ACSBG1: variants seen among roughly 807,000 people sequenced by gnomAD.
ACSBG1 encodes long-chain-fatty-acid--CoA ligase ACSBG1.
Under a neutral mutation model 80.2 loss-of-function variants are expected in ACSBG1, and 39 were observed. That is an observed-to-expected ratio of 0.49 (90% CI 0.38 to 0.64). The LOEUF (loss-of-function observed/expected upper bound fraction) is 0.64, where lower values mean the gene tolerates loss of function less well. Among genes scored for constraint, ACSBG1 ranks in the 30% least tolerant of loss-of-function variants. ACSBG1 has a pLI of 0.00. For missense variants in ACSBG1, 828 were observed against 966.4 expected (o/e 0.86, Z 1.90); for synonymous variants, 392 against 379.5 (o/e 1.03, Z -0.38).
chr15:78,193,769 C>T, intron 4 of ACSBG1, 143 bp from the exon 5 acceptor site: 1 of 1,442,248 alleles, frequency 6.9e-7, no homozygotes. Flanking sequence ...AGCACCTCCT[C>T]CCCTGCAGAG....
intron 5 of ACSBG1, among the ~76,000 whole-genome samples, chr15:78,186,431 T>C (rs1465564757): frequency 6.6e-6 from 1 of 151,892 alleles, no homozygotes; most frequent in Non-Finnish European, 1.5e-5. Context: ...GAAGTAAAGC[T>C]CTCCTCAGCA....
In ACSBG1 at chr15:78,178,875, C is replaced by T; in HGVS notation, c.1485-44G>A. The T allele has an allele frequency of 6.5e-7, 1 of 1,549,344 alleles. No individual in the cohort carries two copies. On this transcript the variant is annotated intron_variant, in intron 10 of 13. Transcript: ENST00000258873. The surrounding 1 kb of genome is among the most constrained non-coding windows in gnomAD (Gnocchi z 4.3). ...GGAGACTGGTCAGAGGGAGCCGTCT[C>T]CTCCAAGCCCCCACTGGGGAGCCGG...
intron 2 of ACSBG1, among the ~76,000 whole-genome samples, chr15:78,196,320 C>A (rs982652494): frequency 6.6e-6 from 1 of 152,248 alleles, no homozygotes; most frequent in Non-Finnish European, 1.5e-5. Flanking sequence ...CTCTTCAGAG[C>A]CTCTAACTGT....
chr15:78,211,570 A>T lies in ACSBG1; in HGVS notation c.132-3468T>A, dbSNP rs116314906. On this transcript the variant is annotated intron_variant, in intron 1 of 13. Coordinates refer to ENST00000258873, the MANE Select transcript of ACSBG1 (RefSeq NM_015162.5). ...AAGCTCATCGCCTTGCTCTCCTTTC[A>T]CAGAAAACAAAAACACTTTATCAGC... Among the ~76,000 whole-genome samples the T allele has an allele frequency of 7.7e-3, 1,176 of 152,298 alleles. 25 individuals are homozygous for T. Among genetic ancestry groups the T allele is most frequent in the African/African-American group, 0.027 (1,123 of 41,546 alleles).
chr15:78,193,755 C>A, intron 4 of ACSBG1, 129 bp from the exon 5 acceptor site: 1 of 1,444,468 alleles, frequency 6.9e-7, no homozygotes. Flanking sequence ...TCCCAAGGCA[C>A]CTGAGCACCT....
chr15:78,216,413 C>T (rs974503967), intron 1 of ACSBG1, among the ~76,000 whole-genome samples: 3 of 152,060 alleles, frequency 2.0e-5, no homozygotes, highest in Non-Finnish European at 2.9e-5. Flanking sequence ...TTATTTCATG[C>T]GAGACAGCAT....
In ACSBG1 at chr15:78,171,522, C is replaced by T. The variant is rs375772785; in HGVS notation, c.2097G>A (p.Thr699=). Residue 699 remains threonine, a synonymous_variant, in exon 14 of 14, where the codon ACG becomes ACA. Transcript: ENST00000258873. ...AAACTGTGAGCCGTTTCAGTTTCAT[C>T]GTGGGACCTAAAAGGGAAATGAGAA... ...FSISGGELGP[T]MKLKRLTVLE... is the part of the protein sequence containing the mutation. 28 of 1,613,812 alleles carry T rather than the reference C, an allele frequency of 1.7e-5. No homozygotes were observed. In the East Asian group the frequency reaches 2.5e-4, roughly 14 times the overall value.
chr15:78,215,780 AAGAAAG>A (rs1225886264), intron 1 of ACSBG1, among the ~76,000 whole-genome samples: 36 of 147,934 alleles, frequency 2.4e-4, no homozygotes, highest in African/African-American at 4.9e-4. Flanking sequence ...GAAAGAAAGA[AAGAAAG>A]AGAAAGAAAG....
chr15:78,196,946 C>G (rs926427127), intron 2 of ACSBG1, among the ~76,000 whole-genome samples: 1 of 151,686 alleles, frequency 6.6e-6, no homozygotes, highest in Non-Finnish European at 1.5e-5. Flanking sequence ...TGCCTGTATT[C>G]CCAGCTACTT....
In ACSBG1 at chr15:78,180,831, A is replaced by C; in HGVS notation, c.1177T>G (p.Ser393Ala). Reference protein sequence around the residue: ...MERIQEVAAQSGFIRRKMLLW... With the variant: ...MERIQEVAAQAGFIRRKMLLW... ...AGCATCTTTCGCCGGATGAAGCCAG[A>C]CTGAGCCGCCACCTCCTGGATGCGC... Residue 393 changes from serine (S) to alanine (A), a missense_variant, in exon 9 of 14, where the codon TCT becomes GCT. Ser to Ala is a moderately conservative substitution (Grantham distance 99). Around this residue, in one of 3 missense-constraint regions of ACSBG1, gnomAD observed 271 missense variants for 375.9 expected, o/e 0.72. Coordinates refer to ENST00000258873, the MANE Select transcript of ACSBG1 (RefSeq NM_015162.5). 1.2e-6 allele frequency: 2 copies of C among 1,614,226 alleles called. No homozygotes were observed. The highest frequency in any genetic ancestry group is 1.7e-6 in the Non-Finnish European group (2 of 1,180,036).
chr15:78,198,348 T>C (rs559247906), intron 2 of ACSBG1, among the ~76,000 whole-genome samples: 3 of 148,902 alleles, frequency 2.0e-5, no homozygotes, highest in African/African-American at 7.5e-5. Context: ...GCCACTATAA[T>C]CTCTTTTTTT....
At chr15:78,233,700 G>T (rs544141407) in intron 1 of ACSBG1, among the ~76,000 whole-genome samples, 3 of 152,196 alleles carry the variant, frequency 2.0e-5, no homozygotes, top group African/African-American at 4.8e-5. Flanking sequence ...GTGTGTGCGT[G>T]TGCGCGTGCG....
intron 5 of ACSBG1, among the ~76,000 whole-genome samples, chr15:78,186,912 T>C (rs1322926000): frequency 6.6e-6 from 1 of 151,800 alleles, no homozygotes; most frequent in Non-Finnish European, 1.5e-5. Flanking sequence ...ATCAACAAAA[T>C]TGATAGACCG....
Position 78,222,171 on chromosome 15 carries a change from T to C in ACSBG1, c.131+12200A>G, listed in dbSNP as rs570590926. Among the ~76,000 whole-genome samples, 6 of 152,294 alleles carry C rather than the reference T, an allele frequency of 3.9e-5. No homozygotes were observed. In the South Asian group the frequency reaches 1.0e-3, roughly 26 times the overall value. On this transcript the variant is annotated intron_variant, in intron 1 of 13. Transcript: ENST00000258873. ...ACATGGATGAATCTTGAAAACATTA[T>C]GTTAAGAGAAAGAAGCCAGTCACAG...
At position 78,209,808 on chromosome 15, in the gene ACSBG1, G is replaced by T. The variant is rs376652775; in HGVS notation, c.132-1706C>A. ...AATCAGCCTCTGAGATCACCAGCTG[G>T]GCGGCCACCTCCACATTAGCCAGGC... On this transcript the variant is annotated intron_variant, in intron 1 of 13. Coordinates refer to ENST00000258873, the MANE Select transcript of ACSBG1 (RefSeq NM_015162.5). 1.1e-4 allele frequency among the ~76,000 whole-genome samples: 17 copies of T among 152,270 alleles called. No individual in the cohort carries two copies. The East Asian group carries it at 3.1e-3, about 28-fold the overall frequency.
chr15:78,227,984 T>C (rs1003433966), intron 1 of ACSBG1, among the ~76,000 whole-genome samples: 2 of 152,194 alleles, frequency 1.3e-5, no homozygotes, highest in Non-Finnish European at 2.9e-5. Context: ...GGGTGGAGAT[T>C]GATTAATTGA....
chr15:78,167,589 C>A lies in ACSBG1; in HGVS notation c.*3855G>T, dbSNP rs1398968313. The A allele has an allele frequency of 1.3e-5, 2 of 152,112 alleles. No individual in the cohort carries two copies. The highest frequency in any genetic ancestry group is 6.5e-5 in the Admixed American group (1 of 15,280). The allele number at this position is 152,112 out of a possible 1,614,324, so 9.4% of individuals were successfully genotyped here. Reference sequence around the variant, plus strand: ...TAAGTACATTCACATTGTAATGTAACCATCACCATCAGTCATCTCCAGACC... The same window carrying A: ...TAAGTACATTCACATTGTAATGTAAACATCACCATCAGTCATCTCCAGACC... On this transcript the variant is annotated 3_prime_UTR_variant, in exon 14 of 14. Transcript: ENST00000258873.
rs2074790298 is a variant in ACSBG1 at position 78,169,275 on chromosome 15, T to C, written c.*2169A>G. ...TAAACTCTGAGTGGACTGTATCATTTGCTATTCTAAACCATTTTACACTTA... is the reference window on the plus strand; with the variant it reads ...TAAACTCTGAGTGGACTGTATCATTCGCTATTCTAAACCATTTTACACTTA... On this transcript the variant is annotated 3_prime_UTR_variant, in exon 14 of 14. Coordinates refer to ENST00000258873, the MANE Select transcript of ACSBG1 (RefSeq NM_015162.5). 3.7e-6 allele frequency: 1 copy of C among 272,382 alleles called. No homozygotes were observed. Among genetic ancestry groups the C allele is most frequent in the Non-Finnish European group, 6.8e-6 (1 of 146,320 alleles). 16.9% of individuals were successfully genotyped at this position (272,382 alleles called of 1,614,324 possible). A position where few individuals can be genotyped will look rare whatever the true frequency, so the allele number is the denominator to read the frequency against.
At chr15:78,207,014 G>A (rs1385190363) in intron 2 of ACSBG1, among the ~76,000 whole-genome samples, 1 of 152,220 alleles carries the variant, frequency 6.6e-6, no homozygotes, top group Non-Finnish European at 1.5e-5. Context: ...CCCAGAGAAG[G>A]GATTATAAAG....
Sources: gnomAD v4.1 joint callset for allele counts (sites outside exome capture counted in the v4.1 genomes callset) on GRCh38, gnomAD v4.1.1 for gene constraint, gnomAD v4.1.1 regional missense constraint, Gnocchi (gnomAD v3.1) non-coding constraint, MANE v1.5 for transcripts, NCBI Gene and HGNC (gene_info 2026-07-23, HGNC 2026-07-21) for gene names.